Variants in SYNE1 observed in about 807,000 individuals in gnomAD.
SYNE1 encodes nesprin-1.
Under a neutral mutation model 1,111.0 loss-of-function variants are expected in SYNE1, and 616 were observed. That is an observed-to-expected ratio of 0.55 (90% CI 0.52 to 0.59). The LOEUF is 0.59. Among genes scored for constraint, SYNE1 ranks in the 20% least tolerant of loss-of-function variants. SYNE1 has a pLI of 0.00. For synonymous variants in SYNE1, 3,855 were observed against 3,825.8 expected (o/e 1.01, Z -0.28); for missense variants, 10,006 against 10,417.0 (o/e 0.96, Z 1.72).
At chr6:152,159,223 T>C (rs1161375813) in intron 131 of SYNE1, among the ~76,000 whole-genome samples, 3 of 152,232 alleles carry the variant, frequency 2.0e-5, no homozygotes, top group Non-Finnish European at 4.4e-5. Flanking sequence ...GCCCTGACTT[T>C]GTGTTAGGTA....
chr6:152,596,266 G>GTTTTTTTTTTTT (rs1480694776), intron 3 of SYNE1, among the ~76,000 whole-genome samples: 1 of 118,730 alleles, frequency 8.4e-6, no homozygotes, highest in African/African-American at 4.0e-5. Flanking sequence ...TTTTTTGTTT[G>GTTTTTTTTTTTT]TTTGTTTTTT....
At position 152,130,707 on chromosome 6, in the gene SYNE1, G is replaced by C. The variant is rs750766394; in HGVS notation, c.26153+13C>G. The C allele has an allele frequency of 5.6e-6, 9 of 1,613,926 alleles. No individual in the cohort carries two copies. The African/African-American group carries it at 1.2e-4, about 22-fold the overall frequency. ...GGTTCTAGAACAGTGTGGAAACCAG[G>C]AGAAGGAGGTACCTGCTATGTGGAC... On this transcript the variant is annotated intron_variant, in intron 145 of 145. Coordinates refer to ENST00000367255, the MANE Select transcript of SYNE1 (RefSeq NM_182961.4).
chr6:152,427,966 T>G, intron 37 of SYNE1, 150 bp from the exon 38 acceptor site: 1 of 1,248,392 alleles, frequency 8.0e-7, no homozygotes, highest in Non-Finnish European at 1.1e-6. Flanking sequence ...AAATCCCTCC[T>G]TTTATTTTCA....
At chr6:152,458,681 C>G in intron 22 of SYNE1, 76 bp downstream of exon 22, 1 of 1,500,374 alleles carries the variant, frequency 6.7e-7, no homozygotes, top group Non-Finnish European at 9.3e-7. Flanking sequence ...CACTGAATTT[C>G]TATTCCTGTA....
chr6:152,255,836 A>G, intron 102 of SYNE1, 90 bp from the exon 103 acceptor site: 1 of 1,445,010 alleles, frequency 6.9e-7, no homozygotes, highest in Non-Finnish European at 9.7e-7. Context: ...CAGTGCTCAC[A>G]CCTGTAATCT....
At chr6:152,371,278 C>T (rs2097175293) in intron 59 of SYNE1, among the ~76,000 whole-genome samples, 1 of 151,880 alleles carries the variant, frequency 6.6e-6, no homozygotes, top group Non-Finnish European at 1.5e-5. Flanking sequence ...TTGCTGTTCT[C>T]ATGATAGTGA....
rs566616397 is a variant in SYNE1, at chr6:152,292,471, T to G, written c.18012+1117A>C. 2.0e-5 allele frequency among the ~76,000 whole-genome samples: 3 copies of G among 152,164 alleles called. No homozygotes were observed. The East Asian group carries it at 5.8e-4, about 29-fold the overall frequency. ...TCTCTATCTTCAGAAGTCACAAGAG[T>G]GTAAAAAACCTGAAACCACTATTTC... is the stretch of plus-strand genomic sequence containing the variant. On this transcript the variant is annotated intron_variant, in intron 95 of 145. Coordinates refer to ENST00000367255, the MANE Select transcript of SYNE1 (RefSeq NM_182961.4).
chr6:152,532,492 C>A (rs2099208557), intron 4 of SYNE1, among the ~76,000 whole-genome samples: 1 of 152,122 alleles, frequency 6.6e-6, no homozygotes, highest in Non-Finnish European at 1.5e-5. Flanking sequence ...TAAAACTGAA[C>A]CAGAAAATGC....
At chr6:152,278,425 C>A (rs931514196) in intron 97 of SYNE1, 145 bp from the exon 98 acceptor site, 3 of 837,972 alleles carry the variant, frequency 3.6e-6, no homozygotes, top group Non-Finnish European at 6.0e-6. Flanking sequence ...ACGGCCTTGA[C>A]GAGTAAGTAG....
chr6:152,618,805 G>C (rs1290355374), intron 3 of SYNE1, among the ~76,000 whole-genome samples: 1 of 152,152 alleles, frequency 6.6e-6, no homozygotes, highest in Non-Finnish European at 1.5e-5. Flanking sequence ...CAACTTCTTT[G>C]AGATGTTTCC....
intron 119 of SYNE1, 96 bp downstream of exon 119, chr6:152,220,746 C>T (rs2079987428): frequency 8.7e-7 from 1 of 1,152,834 alleles, no homozygotes; most frequent in South Asian, 1.2e-5. Context: ...AACTGTCTCA[C>T]ATAGAAAGAC....
chr6:152,180,535 C>A (rs769875398), intron 128 of SYNE1, among the ~76,000 whole-genome samples: 1 of 150,904 alleles, frequency 6.6e-6, no homozygotes, highest in Non-Finnish European at 1.5e-5. Flanking sequence ...CAACTTCACA[C>A]AATTGGTTCA....
intron 131 of SYNE1, among the ~76,000 whole-genome samples, chr6:152,159,282 G>A (rs2152980424): frequency 6.6e-6 from 1 of 152,328 alleles, no homozygotes; most frequent in Admixed American, 6.5e-5. Context: ...ATCACACTGT[G>A]TGGTGTGGAC....
intron 2 of SYNE1, among the ~76,000 whole-genome samples, chr6:152,635,012 C>T (rs911292825): frequency 2.6e-5 from 4 of 152,226 alleles, no homozygotes; most frequent in East Asian, 1.9e-4. Context: ...CAGTTATGGG[C>T]TTCCTACATC....
At chr6:152,619,896 TA>T (rs1399254578) in intron 3 of SYNE1, among the ~76,000 whole-genome samples, 9 of 152,120 alleles carry the variant, frequency 5.9e-5, no homozygotes, top group Non-Finnish European at 1.2e-4. Flanking sequence ...GGGCTCTACA[TA>T]AGGTATAGAA....
chr6:152,512,506 T>C (rs553178888), intron 6 of SYNE1, among the ~76,000 whole-genome samples: 1 of 152,304 alleles, frequency 6.6e-6, no homozygotes, highest in South Asian at 2.1e-4. Context: ...ACAAAAAATT[T>C]ATAATATATG....
At chr6:152,215,204 T>A (rs2078336670) in intron 121 of SYNE1, 144 bp from the exon 122 acceptor site, 1 of 901,194 alleles carries the variant, frequency 1.1e-6, no homozygotes, top group Admixed American at 2.1e-5. Flanking sequence ...TTACTTACAA[T>A]CTCTAGGTAC....
chr6:152,256,905 A>T lies in SYNE1; in HGVS notation c.18973-140T>A, dbSNP rs1176304340. ...TCTAGAGAAATATAACTTCTACAAC[A>T]TACCATGTCCACTGAACACAGTGGC... On this transcript the variant is annotated intron_variant, in intron 101 of 145. Coordinates refer to ENST00000367255, the MANE Select transcript of SYNE1 (RefSeq NM_182961.4). 9.9e-6 allele frequency: 13 copies of T among 1,309,722 alleles called. No individual in the cohort carries two copies. The African/African-American group carries it at 1.3e-4, about 13-fold the overall frequency. 81.1% of individuals were successfully genotyped at this position (1,309,722 alleles called of 1,614,324 possible). A position where few individuals can be genotyped will look rare whatever the true frequency, so the allele number is the denominator to read the frequency against.
At chr6:152,484,768 T>C in intron 13 of SYNE1, 67 bp downstream of exon 13, 3 of 1,552,514 alleles carry the variant, frequency 1.9e-6, no homozygotes, top group Non-Finnish European at 8.9e-7. Flanking sequence ...TGTGTAGAAA[T>C]AGATGATGAA....
Sources: gnomAD v4.1 joint callset for allele counts (sites outside exome capture counted in the v4.1 genomes callset) on GRCh38, gnomAD v4.1.1 for gene constraint, MANE v1.5 for transcripts, NCBI Gene and HGNC (gene_info 2026-07-23, HGNC 2026-07-21) for gene names.